The following ZNF385C variants were observed in gnomAD, a reference collection of about 807,000 sequenced individuals.
ZNF385C encodes the protein CTD-2132N18.2.
ZNF385C carries 28 observed loss-of-function variants against 35.4 expected under a neutral mutation model. That is an observed-to-expected ratio of 0.79 (90% confidence interval 0.59 to 1.08). The LOEUF is 1.08. ZNF385C is among the 50% of genes least tolerant of loss of function. ZNF385C has a pLI of 0.00. For missense variants in ZNF385C, 605 were observed against 595.6 expected (o/e 1.02, Z -0.16); for synonymous variants, 248 against 248.2 (o/e 1.00, Z 0.01).
chr17:42,081,668 G>A (rs908314796), intron 1 of ZNF385C, among the ~76,000 whole-genome samples: 4 of 152,200 alleles, frequency 2.6e-5, no homozygotes, highest in South Asian at 2.1e-4. Context: ...GAGCCACCAC[G>A]CCCAACCTCT....
At chr17:42,089,213 G>A (rs1421717169) in intron 1 of ZNF385C, among the ~76,000 whole-genome samples, 2 of 152,124 alleles carry the variant, frequency 1.3e-5, no homozygotes, top group African/African-American at 4.8e-5. Context: ...CTACTCAGGA[G>A]GCTGAGGTGG....
At chr17:42,028,364 C>CACATCGCG in intron 6 of ZNF385C, 118 bp from the exon 7 acceptor site, 1 of 1,037,986 alleles carries the variant, frequency 9.6e-7, no homozygotes, top group Non-Finnish European at 1.3e-6. Context: ...GCTCTGTGCA[C>CACATCGCG]ACATCGCCCT....
intron 2 of ZNF385C, among the ~76,000 whole-genome samples, chr17:42,049,487 TAAGA>T (rs1555656913): frequency 6.6e-6 from 1 of 152,168 alleles, no homozygotes; most frequent in African/African-American, 2.4e-5. Flanking sequence ...GGGCAGTGAA[TAAGA>T]AAGAGCAGGT....
chr17:42,034,627 A>G (rs113534137), intron 3 of ZNF385C, among the ~76,000 whole-genome samples: 14 of 150,394 alleles, frequency 9.3e-5, no homozygotes, highest in Admixed American at 2.0e-4. Flanking sequence ...TAAAAAAAAA[A>G]TACAAAATTA....
chr17:42,040,671 C>T lies in ZNF385C; in HGVS notation c.251-2786G>A, dbSNP rs530564942. 6.6e-5 allele frequency: 81 copies of T among 1,232,272 alleles called. No individual in the cohort carries two copies. In the South Asian group the frequency reaches 3.1e-3, roughly 48 times the overall value. 76.3% of individuals were successfully genotyped at this position (1,232,272 alleles called of 1,614,324 possible). On this transcript the variant is annotated intron_variant, in intron 2 of 8. Coordinates refer to ENST00000692273, the MANE Select transcript of ZNF385C (RefSeq NM_001392013.1). ...CTTCCACTACAGGCAGCAGGGAGGCCCAGGGCACTGGCCGAGGCCCTGCCA... is the reference window on the plus strand; with the variant it reads ...CTTCCACTACAGGCAGCAGGGAGGCTCAGGGCACTGGCCGAGGCCCTGCCA...
chr17:42,056,370 C>A (rs1375047872), intron 2 of ZNF385C, among the ~76,000 whole-genome samples: 1 of 152,238 alleles, frequency 6.6e-6, no homozygotes, highest in Non-Finnish European at 1.5e-5. Flanking sequence ...CTCTCTGGGC[C>A]ATACTCCTCC....
chr17:42,038,272 A>C, intron 2 of ZNF385C: 1 of 534,660 alleles, frequency 1.9e-6, no homozygotes, highest in Non-Finnish European at 3.3e-6. Flanking sequence ...TTAAACTCAA[A>C]CCCAGGGGTA....
intron 1 of ZNF385C, among the ~76,000 whole-genome samples, chr17:42,088,993 C>T (rs926474024): frequency 1.2e-4 from 19 of 152,082 alleles, no homozygotes; most frequent in Non-Finnish European, 2.6e-4. Context: ...ATGCCTGGCC[C>T]GGTTCACTTC....
At chr17:42,043,109 C>A (rs2053065301) in intron 2 of ZNF385C, 1 of 1,232,252 alleles carries the variant, frequency 8.1e-7, no homozygotes, top group African/African-American at 1.5e-5. Flanking sequence ...TGGTTGACAG[C>A]CAGAGCCTGG....
chr17:42,050,391 GGGGCT>G lies in ZNF385C; in HGVS notation c.250+12411_250+12415del, dbSNP rs1266435560. ...GCACCTCTTCTCACGCATCCTCCCG[GGGGCT>G]GGGACGGGGAGGGCTGAGGAACTTC... is the stretch of plus-strand genomic sequence containing the variant. On this transcript the variant is annotated intron_variant, in intron 2 of 8. Transcript: ENST00000692273. This position sits in a 1 kb window ranked among gnomAD's most constrained non-coding sequence, Gnocchi z 5.6. 1.3e-5 allele frequency among the ~76,000 whole-genome samples: 2 copies of G among 152,044 alleles called. No homozygotes were observed. The highest frequency in any genetic ancestry group is 4.8e-5 in the African/African-American group (2 of 41,404).
At chr17:42,061,758 T>C (rs2053465698) in intron 2 of ZNF385C, 1 of 152,660 alleles carries the variant, frequency 6.6e-6, no homozygotes, top group South Asian at 2.1e-4. Flanking sequence ...CAGGAGACTT[T>C]CCTGCTGCCC....
At chr17:42,080,869 G>C (rs910674915) in intron 1 of ZNF385C, among the ~76,000 whole-genome samples, 2 of 152,254 alleles carry the variant, frequency 1.3e-5, no homozygotes, top group Non-Finnish European at 2.9e-5. Flanking sequence ...CTGGAAGGCA[G>C]GGGAGGGTGA....
intron 2 of ZNF385C, among the ~76,000 whole-genome samples, chr17:42,047,796 G>A (rs2053198214): frequency 6.6e-6 from 1 of 151,912 alleles, no homozygotes; most frequent in African/African-American, 2.4e-5. Context: ...TGGGATTACA[G>A]GCGCGCACCA....
chr17:42,045,996 T>C (rs1192578525), intron 2 of ZNF385C, among the ~76,000 whole-genome samples: 3 of 152,188 alleles, frequency 2.0e-5, no homozygotes, highest in African/African-American at 7.2e-5. Flanking sequence ...GCCTTCATCC[T>C]CTGAGCCTAG....
intron 1 of ZNF385C, among the ~76,000 whole-genome samples, chr17:42,073,053 C>T (rs1182247200): frequency 6.6e-6 from 1 of 152,204 alleles, no homozygotes; most frequent in Non-Finnish European, 1.5e-5. Flanking sequence ...CATGGACCAC[C>T]TGCTGGGTGC....
intron 5 of ZNF385C, among the ~76,000 whole-genome samples, chr17:42,031,225 G>A (rs1435321915): frequency 6.6e-6 from 1 of 152,072 alleles, no homozygotes; most frequent in African/African-American, 2.4e-5. Flanking sequence ...TGTAGAGACA[G>A]GGTCACACCA....
intron 2 of ZNF385C, among the ~76,000 whole-genome samples, chr17:42,057,499 C>CGTGT (rs202100946): frequency 0.059 from 7,716 of 131,610 alleles, 400 homozygotes; most frequent in Middle Eastern, 0.097. Context: ...TAGGGGTGTG[C>CGTGT]GCGCGCGCGC....
chr17:42,041,133 TG>T, intron 2 of ZNF385C: 1 of 1,232,220 alleles, frequency 8.1e-7, no homozygotes, highest in Middle Eastern at 3.1e-4. Context: ...GCCCCACATA[TG>T]GGGATGCCTT....
intron 1 of ZNF385C, among the ~76,000 whole-genome samples, chr17:42,076,828 G>A (rs1555659306): frequency 6.6e-6 from 1 of 152,122 alleles, no homozygotes; most frequent in East Asian, 1.9e-4. Context: ...CAAAGGTGGG[G>A]TGAAGAGGAA....
Sources: allele counts gnomAD v4.1 joint callset (sites outside exome capture counted in the v4.1 genomes callset), GRCh38; gene constraint gnomAD v4.1.1; non-coding constraint Gnocchi (gnomAD v3.1); transcripts MANE v1.5; gene names NCBI Gene and HGNC (gene_info 2026-07-23, HGNC 2026-07-21).